The following TMEM163 variants were observed in gnomAD, a reference collection of about 807,000 sequenced individuals.
The protein encoded by TMEM163 is transmembrane protein 163.
A neutral mutation model predicts 29.3 loss-of-function variants in TMEM163; 17 were observed. That is an observed-to-expected ratio of 0.58 (90% CI 0.40 to 0.87). The LOEUF (loss-of-function observed/expected upper bound fraction) is 0.87. TMEM163 is among the 40% of genes least tolerant of loss of function. TMEM163 has a pLI of 0.00. For missense variants in TMEM163, 303 were observed against 381.5 expected (o/e 0.79, Z 1.71); for synonymous variants, 157 against 160.6 (o/e 0.98, Z 0.17).
chr2:134,579,749 A>G (rs1413422981), intron 2 of TMEM163, among the ~76,000 whole-genome samples: 2 of 152,196 alleles, frequency 1.3e-5, no homozygotes, highest in Non-Finnish European at 2.9e-5. Flanking sequence ...AATGTTTCCA[A>G]ACCTCAGTTA....
In TMEM163 at chr2:134,594,207, A is replaced by T. The variant is rs7577716; in HGVS notation, c.323-42116T>A. On this transcript the variant is annotated intron_variant, in intron 2 of 7. Transcript: ENST00000281924. ...TCTGGTTTATAAAACAGAAAGGAGG[A>T]TGGGCCTGGAAAGAGTGAAGGAGAG... 5.0e-3 allele frequency among the ~76,000 whole-genome samples: 753 copies of T among 150,674 alleles called. 9 individuals are homozygous for T. The highest frequency in any genetic ancestry group is 0.018 in the African/African-American group (721 of 40,918).
chr2:134,536,552 C>T (rs990019527), intron 4 of TMEM163, among the ~76,000 whole-genome samples: 1 of 152,142 alleles, frequency 6.6e-6, no homozygotes, highest in Non-Finnish European at 1.5e-5. Flanking sequence ...CAGCAGGATC[C>T]CAGCTCTATG....
Position 134,684,211 on chromosome 2 carries a change from T to C in TMEM163, c.322+28989A>G, listed in dbSNP as rs141245133. Among the ~76,000 whole-genome samples the C allele has an allele frequency of 7.1e-4, 108 of 152,276 alleles. 2 individuals are homozygous for C. In the East Asian group the frequency reaches 0.014, roughly 20 times the overall value. On this transcript the variant is annotated intron_variant, in intron 2 of 7. Transcript: ENST00000281924. ...TGCCTGATGATATATACCACTCCCC[T>C]GATTCTCTTAACAAATGTTGAAGTG...
At position 134,671,590 on chromosome 2, in the gene TMEM163, A is replaced by G. The variant is rs535759319; in HGVS notation, c.322+41610T>C. ...GCTCCTTGCTGACAATACCTCCACC[A>G]CCCTCTTCTGGGATCCCTTTCTTCC... On this transcript the variant is annotated intron_variant, in intron 2 of 7. Transcript: ENST00000281924. Among the ~76,000 whole-genome samples the G allele has an allele frequency of 4.0e-5, 6 of 151,612 alleles. No individual in the cohort carries two copies. In the East Asian group the frequency reaches 1.2e-3, roughly 29 times the overall value.
chr2:134,686,123 G>T (rs1176702642), intron 2 of TMEM163, among the ~76,000 whole-genome samples: 1 of 152,158 alleles, frequency 6.6e-6, no homozygotes, highest in African/African-American at 2.4e-5. Context: ...ATCAAAAAAG[G>T]ACAAACCTTC....
chr2:134,573,617 C>T (rs1453303502), intron 2 of TMEM163, among the ~76,000 whole-genome samples: 1 of 152,216 alleles, frequency 6.6e-6, no homozygotes, highest in Non-Finnish European at 1.5e-5. Context: ...GGCCAATTCA[C>T]ATTTCTTGAG....
At chr2:134,715,215 C>T (rs1429661688) in intron 1 of TMEM163, among the ~76,000 whole-genome samples, 1 of 152,188 alleles carries the variant, frequency 6.6e-6, no homozygotes, top group Non-Finnish European at 1.5e-5. Flanking sequence ...AGCCGCATAA[C>T]ATTTATTTTT....
intron 4 of TMEM163, among the ~76,000 whole-genome samples, chr2:134,545,567 C>T (rs918170423): frequency 7.9e-5 from 12 of 152,102 alleles, no homozygotes; most frequent in Non-Finnish European, 1.8e-4. Context: ...CCTCCTGGCC[C>T]CTTCCCTGCA....
chr2:134,520,761 T>C (rs1224367906), intron 4 of TMEM163, among the ~76,000 whole-genome samples: 1 of 152,132 alleles, frequency 6.6e-6, no homozygotes, highest in Non-Finnish European at 1.5e-5. Flanking sequence ...ATCTTTAGAA[T>C]GAGATTGTAG....
At chr2:134,588,707 A>T (rs1212725068) in intron 2 of TMEM163, among the ~76,000 whole-genome samples, 1 of 152,156 alleles carries the variant, frequency 6.6e-6, no homozygotes, top group Non-Finnish European at 1.5e-5. Flanking sequence ...GACCCCTACA[A>T]ACTCATTCCA....
chr2:134,475,429 TG>T (rs1686891664), intron 5 of TMEM163, among the ~76,000 whole-genome samples: 1 of 152,150 alleles, frequency 6.6e-6, no homozygotes, highest in Non-Finnish European at 1.5e-5. Context: ...TGTATGACCT[TG>T]GGTTAGGCAA....
chr2:134,587,031 T>A (rs558703258), intron 2 of TMEM163, among the ~76,000 whole-genome samples: 1 of 151,888 alleles, frequency 6.6e-6, no homozygotes, highest in East Asian at 1.9e-4. Flanking sequence ...TAAGATCTCA[T>A]CTGTGAGTCC....
intron 2 of TMEM163, among the ~76,000 whole-genome samples, chr2:134,667,672 A>ACTATGTTTT: frequency 6.6e-6 from 1 of 152,244 alleles, no homozygotes; most frequent in African/African-American, 2.4e-5. Flanking sequence ...CCGCTTCTAA[A>ACTATGTTTT]AGCATCTGCA....
intron 2 of TMEM163, among the ~76,000 whole-genome samples, chr2:134,694,577 G>C (rs1459257045): frequency 1.3e-5 from 2 of 152,160 alleles, no homozygotes; most frequent in Admixed American, 6.5e-5. Context: ...CATTCCCTAA[G>C]AATGCTCTCT....
At chr2:134,478,867 C>A (rs1282969238) in intron 5 of TMEM163, among the ~76,000 whole-genome samples, 1 of 152,202 alleles carries the variant, frequency 6.6e-6, no homozygotes, top group South Asian at 2.1e-4. Flanking sequence ...GCCCCAGAGG[C>A]CTCAGAGGAA....
chr2:134,595,792 T>C (rs1158480908), intron 2 of TMEM163, among the ~76,000 whole-genome samples: 1 of 152,248 alleles, frequency 6.6e-6, no homozygotes, highest in African/African-American at 2.4e-5. Flanking sequence ...TTCCTGACTT[T>C]TTAATGACTG....
intron 2 of TMEM163, among the ~76,000 whole-genome samples, chr2:134,681,348 C>T (rs777397029): frequency 3.9e-5 from 6 of 152,202 alleles, no homozygotes; most frequent in Non-Finnish European, 5.9e-5. Context: ...CTGCCTCCTA[C>T]CCTCTTCTCC....
chr2:134,576,263 C>G (rs1471899192), intron 2 of TMEM163, among the ~76,000 whole-genome samples: 1 of 152,032 alleles, frequency 6.6e-6, no homozygotes, highest in African/African-American at 2.4e-5. Flanking sequence ...CTGTGACTTG[C>G]CTGTGAAATT....
intron 2 of TMEM163, among the ~76,000 whole-genome samples, chr2:134,628,487 G>T (rs1184728845): frequency 6.6e-6 from 1 of 152,234 alleles, no homozygotes; most frequent in Non-Finnish European, 1.5e-5. Flanking sequence ...CCAACAATGG[G>T]ATATATGATT....
Sources: gnomAD v4.1 joint callset for allele counts (sites outside exome capture counted in the v4.1 genomes callset) on GRCh38, gnomAD v4.1.1 for gene constraint, MANE v1.5 for transcripts, NCBI Gene and HGNC (gene_info 2026-07-23, HGNC 2026-07-21) for gene names.